The following FDXR variants were observed in gnomAD, a reference collection of about 807,000 sequenced individuals.
FDXR encodes the protein NADPH:adrenodoxin oxidoreductase, mitochondrial.
FDXR carries 38 observed loss-of-function variants against 58.3 expected under a neutral mutation model. The observed-to-expected ratio is 0.65, with a 90% CI of 0.50 to 0.85. The LOEUF (loss-of-function observed/expected upper bound fraction) is 0.85, where lower values mean the gene tolerates loss of function less well. Among genes scored for constraint, FDXR ranks in the 40% least tolerant of loss-of-function variants. FDXR has a pLI of 0.00. For missense variants in FDXR, 624 were observed against 671.0 expected, an observed-to-expected ratio of 0.93 and a Z score of 0.77; for synonymous variants, 275 against 273.8, an observed-to-expected ratio of 1.00 and a Z score of -0.04.
chr17:74,867,608 C>T (rs933548744), intron 2 of FDXR, among the ~76,000 whole-genome samples: 7 of 152,036 alleles, frequency 4.6e-5, no homozygotes, highest in South Asian at 4.1e-4. Flanking sequence ...GGAGGGGGCA[C>T]GGCTGGGAAT....
chr17:74,863,471 G>T (rs1215525945), intron 10 of FDXR, among the ~76,000 whole-genome samples: 1 of 152,192 alleles, frequency 6.6e-6, no homozygotes, highest in African/African-American at 2.4e-5. Context: ...TAGATGAGGG[G>T]ATCCCTAAGC....
intron 10 of FDXR, among the ~76,000 whole-genome samples, chr17:74,863,603 A>G (rs1189814666): frequency 6.6e-6 from 1 of 152,222 alleles, no homozygotes; most frequent in Non-Finnish European, 1.5e-5. Flanking sequence ...CTGAGGACAC[A>G]GGCTGCCTTA....
chr17:74,872,591 C>T (rs1325338481), intron 1 of FDXR: 1 of 700,506 alleles, frequency 1.4e-6, no homozygotes, highest in Non-Finnish European at 2.3e-6. Context: ...GCCCCACAGA[C>T]CTCCGTATCA....
chr17:74,872,542 AT>A (rs1224133548), intron 1 of FDXR: 18 of 622,004 alleles, frequency 2.9e-5, no homozygotes, highest in Non-Finnish European at 4.5e-5. Context: ...GACCCGTCTT[AT>A]TCCTACAGAT....
chr17:74,866,061 C>T (rs2038168403), intron 5 of FDXR, 70 bp downstream of exon 5: 2 of 1,215,818 alleles, frequency 1.6e-6, no homozygotes, highest in Admixed American at 1.8e-5. Flanking sequence ...GCTCCCTCTT[C>T]CCCCAGGTCT....
chr17:74,864,634 G>C (rs2038104372), intron 7 of FDXR, 70 bp from the exon 8 acceptor site: 10 of 1,498,494 alleles, frequency 6.7e-6, no homozygotes, highest in Non-Finnish European at 9.2e-6. Context: ...GCCCACCCCA[G>C]GGTCCAGCCC....
chr17:74,864,708 T>C, intron 7 of FDXR, 116 bp downstream of exon 7: 1 of 1,495,480 alleles, frequency 6.7e-7, no homozygotes, highest in African/African-American at 1.4e-5. Flanking sequence ...CCCTGACTGC[T>C]CCCCTTCTTC....
intron 2 of FDXR, chr17:74,867,086 A>C (rs865907802): frequency 4.0e-5 from 43 of 1,072,842 alleles, no homozygotes; most frequent in Middle Eastern, 4.3e-4. Flanking sequence ...GCAGGTGGAT[A>C]ACCTGAGGTC....
intron 4 of FDXR, 50 bp from the exon 5 acceptor site, chr17:74,866,294 G>A: frequency 1.3e-6 from 2 of 1,580,942 alleles, no homozygotes; most frequent in East Asian, 2.2e-5. Flanking sequence ...CACCAGCACT[G>A]ATAGGCCGGG....
chr17:74,866,637 C>T (rs1387729545), intron 3 of FDXR, 69 bp from the exon 4 acceptor site: 1 of 1,605,508 alleles, frequency 6.2e-7, no homozygotes, highest in African/African-American at 1.3e-5. Flanking sequence ...TCTGCACCAC[C>T]CTCACCACTC....
chr17:74,865,091 G>A, intron 6 of FDXR, 160 bp from the exon 7 acceptor site: 2 of 891,398 alleles, frequency 2.2e-6, no homozygotes, highest in Non-Finnish European at 3.4e-6. Context: ...TGCCAACTCT[G>A]CAAATGGCTC....
chr17:74,871,850 T>C (rs527912063), intron 2 of FDXR, among the ~76,000 whole-genome samples, 186 bp downstream of exon 2: 1 of 152,206 alleles, frequency 6.6e-6, no homozygotes, highest in African/African-American at 2.4e-5. Flanking sequence ...CCTGTCACAC[T>C]GAGGACGGGA....
intron 2 of FDXR, chr17:74,868,644 T>TA: frequency 6.5e-7 from 1 of 1,535,692 alleles, no homozygotes; most frequent in Non-Finnish European, 8.7e-7. Flanking sequence ...GTCTGCCGGA[T>TA]GTTCTTACCC....
At position 74,866,441 on chromosome 17, in the gene FDXR, C is replaced by G; in HGVS notation, c.393+5G>C. On this transcript the variant is annotated splice_donor_5th_base_variant and intron_variant, in intron 4 of 11. Transcript: ENST00000293195. Reference sequence around the variant, plus strand: ...CTCCCCAAGCCAGGGCCTAGCTGCACTCACCAGCACCACAGCGTGGTAGGC... The same window carrying G: ...CTCCCCAAGCCAGGGCCTAGCTGCAGTCACCAGCACCACAGCGTGGTAGGC... 6.2e-7 allele frequency: 1 copy of G among 1,612,894 alleles called. No individual in the cohort carries two copies. The highest frequency in any genetic ancestry group is 8.5e-7 in the Non-Finnish European group (1 of 1,179,716).
At chr17:74,863,501 C>A (rs1273058600) in intron 10 of FDXR, among the ~76,000 whole-genome samples, 1 of 152,182 alleles carries the variant, frequency 6.6e-6, no homozygotes, top group Non-Finnish European at 1.5e-5. Context: ...GAGGCTTGCT[C>A]CCCTGCAGTT....
intron 2 of FDXR, among the ~76,000 whole-genome samples, chr17:74,868,951 C>T (rs532650473): frequency 2.0e-5 from 3 of 152,262 alleles, no homozygotes; most frequent in African/African-American, 7.2e-5. Flanking sequence ...AAGCCAAGTC[C>T]CCTTGCCCCA....
intron 10 of FDXR, 134 bp downstream of exon 10, chr17:74,863,762 G>T (rs2038059410): frequency 8.9e-7 from 1 of 1,128,452 alleles, no homozygotes; most frequent in Non-Finnish European, 1.3e-6. Flanking sequence ...GGCGGCACTG[G>T]GTCCTAGAGA....
chr17:74,866,656 C>T, intron 3 of FDXR, 88 bp from the exon 4 acceptor site: 1 of 1,600,392 alleles, frequency 6.2e-7, no homozygotes, highest in Non-Finnish European at 8.5e-7. Flanking sequence ...TCTGTGTCCC[C>T]AGGAGGGAAG....
intron 1 of FDXR, chr17:74,872,432 A>AC (rs1241637774): frequency 1.1e-5 from 8 of 709,048 alleles, no homozygotes; most frequent in Non-Finnish European, 1.8e-5. Context: ...CATCCTTCCA[A>AC]CGGCCTCCAT....
Sources: gnomAD v4.1 joint callset for allele counts (sites outside exome capture counted in the v4.1 genomes callset) on GRCh38, gnomAD v4.1.1 for gene constraint, MANE v1.5 for transcripts, NCBI Gene and HGNC (gene_info 2026-07-23, HGNC 2026-07-21) for gene names.